Variants in ANKRD44 observed in about 807,000 individuals in gnomAD.
The protein encoded by ANKRD44 is serine/threonine-protein phosphatase 6 regulatory ankyrin repeat subunit B.
ANKRD44 carries 35 observed loss-of-function variants against 116.0 expected under a neutral mutation model. The ratio of observed to expected loss-of-function variants is 0.30; its 90% confidence interval spans 0.23 to 0.40. The LOEUF is 0.40. ANKRD44 is among the 10% of genes least tolerant of loss of function. The probability of loss-of-function intolerance (pLI) is 1.00; values close to 1 mark genes in which losing one functional copy is unlikely to be tolerated. For missense variants in ANKRD44, 1,014 were observed against 1,242.6 expected, an observed-to-expected ratio of 0.82 and a Z score of 2.77; for synonymous variants, 435 against 461.8, an observed-to-expected ratio of 0.94 and a Z score of 0.74.
chr2:197,290,971 G>A (rs556740701), intron 1 of ANKRD44, among the ~76,000 whole-genome samples: 4 of 152,084 alleles, frequency 2.6e-5, no homozygotes, highest in African/African-American at 4.8e-5. Context: ...CACTTTGGGA[G>A]GCCAAGGAGG....
chr2:197,099,987 A>G (rs2078252206), intron 9 of ANKRD44, 57 bp from the exon 10 acceptor site: 9 of 1,491,348 alleles, frequency 6.0e-6, no homozygotes, highest in Middle Eastern at 1.7e-4. Context: ...TTCAGGTCCT[A>G]TGTTCTCTGC....
intron 16 of ANKRD44, among the ~76,000 whole-genome samples, chr2:197,072,227 T>C (rs761183379): frequency 6.6e-6 from 1 of 152,236 alleles, no homozygotes; most frequent in African/African-American, 2.4e-5. Flanking sequence ...CTGACATCAC[T>C]GAGTCCTTAG....
intron 2 of ANKRD44, among the ~76,000 whole-genome samples, chr2:197,173,241 A>C (rs1574198902): frequency 2.6e-5 from 4 of 152,314 alleles, no homozygotes; most frequent in African/African-American, 7.2e-5. Context: ...TAGACTACTA[A>C]GTCATTATTC....
chr2:196,982,108 T>TATATATATATATATATA, downstream of ANKRD44, among the ~76,000 whole-genome samples: 1 of 96,550 alleles, frequency 1.0e-5, no homozygotes, highest in Non-Finnish European at 2.1e-5. Context: ...CTAAAAAAAA[T>TATATATATATATATATA]TATATATATA....
intron 2 of ANKRD44, among the ~76,000 whole-genome samples, chr2:197,172,558 G>C (rs2080265722): frequency 6.6e-6 from 1 of 152,068 alleles, no homozygotes; most frequent in African/African-American, 2.4e-5. Context: ...GTATGATCCA[G>C]CAGGGCAGGA....
intron 2 of ANKRD44, among the ~76,000 whole-genome samples, chr2:197,149,294 G>A (rs2079581513): frequency 6.6e-6 from 1 of 152,134 alleles, no homozygotes; most frequent in African/African-American, 2.4e-5. Context: ...TTGAGATCTT[G>A]GCCTCAAATA....
rs115439180 is a variant in ANKRD44, at chr2:197,242,677, G to A, written c.28-55571C>T. ...TGCTGGAATGGTCCCCGTCTTTCCAGCTGAGACGAAAGTCAAGAATGGTTA... is the reference window on the plus strand; with the variant it reads ...TGCTGGAATGGTCCCCGTCTTTCCAACTGAGACGAAAGTCAAGAATGGTTA... On this transcript the variant is annotated intron_variant, in intron 1 of 27. Transcript: ENST00000282272. 1.7e-3 allele frequency among the ~76,000 whole-genome samples: 256 copies of A among 152,322 alleles called. 1 individual carries two copies. Among genetic ancestry groups the A allele is most frequent in the African/African-American group, 5.4e-3 (225 of 41,576 alleles).
intron 1 of ANKRD44, among the ~76,000 whole-genome samples, chr2:197,298,339 G>A (rs1481084711): frequency 6.6e-6 from 1 of 152,174 alleles, no homozygotes; most frequent in African/African-American, 2.4e-5. Context: ...CACACAAGAT[G>A]GGATTCTAAG....
intron 1 of ANKRD44, among the ~76,000 whole-genome samples, chr2:197,233,064 G>A (rs149465801): frequency 6.0e-4 from 91 of 152,244 alleles, no homozygotes; most frequent in Middle Eastern, 3.4e-3. Context: ...ATTCTACTCC[G>A]GGGAAGCTCT....
chr2:197,061,619 C>G (rs1235930479), intron 16 of ANKRD44, among the ~76,000 whole-genome samples: 1 of 152,174 alleles, frequency 6.6e-6, no homozygotes, highest in African/African-American at 2.4e-5. Context: ...AGAGCTCCTG[C>G]AGAATATGGG....
At chr2:197,219,479 T>G (rs930979632) in intron 1 of ANKRD44, among the ~76,000 whole-genome samples, 5 of 152,218 alleles carry the variant, frequency 3.3e-5, no homozygotes, top group African/African-American at 1.2e-4. Context: ...AAAGTCGCTT[T>G]TGCTTAAACT....
chr2:197,163,880 G>A (rs1009838296), intron 2 of ANKRD44, among the ~76,000 whole-genome samples: 1 of 152,128 alleles, frequency 6.6e-6, no homozygotes, highest in Non-Finnish European at 1.5e-5. Context: ...CGCCCGCCTC[G>A]GCCCTCCAAA....
Position 197,310,718 on chromosome 2 carries a change from A to T in ANKRD44, c.-114T>A, listed in dbSNP as rs1652816507. 2 of 1,123,046 alleles carry T rather than the reference A, an allele frequency of 1.8e-6. No homozygotes were observed. The highest frequency in any genetic ancestry group is 2.3e-6 in the Non-Finnish European group (2 of 865,602). 69.6% of individuals were successfully genotyped at this position (1,123,046 alleles called of 1,614,324 possible). ...AGAAGGGAAAAAATCTGGCTCCCGAATTTGACAGCCCTCCCCCTGCTCCTC... is the reference window on the plus strand; with the variant it reads ...AGAAGGGAAAAAATCTGGCTCCCGATTTTGACAGCCCTCCCCCTGCTCCTC... On this transcript the variant is annotated 5_prime_UTR_variant, in exon 1 of 28. Transcript: ENST00000282272.
At chr2:197,194,690 C>T (rs761256905) in intron 1 of ANKRD44, among the ~76,000 whole-genome samples, 36 of 152,078 alleles carry the variant, frequency 2.4e-4, no homozygotes, top group Non-Finnish European at 4.4e-4. Context: ...TCTCTCTATA[C>T]GTATGCATAT....
At chr2:197,011,021 C>G (rs2076289738) in intron 18 of ANKRD44, among the ~76,000 whole-genome samples, 1 of 152,212 alleles carries the variant, frequency 6.6e-6, no homozygotes, top group South Asian at 2.1e-4. Context: ...TTCTCAGCAA[C>G]ATTCCATTTA....
intron 2 of ANKRD44, among the ~76,000 whole-genome samples, chr2:197,169,978 C>T (rs1559121227): frequency 6.6e-6 from 1 of 151,916 alleles, no homozygotes; most frequent in African/African-American, 2.4e-5. Flanking sequence ...TCTCTTGAGT[C>T]CAGGAGTTCA....
chr2:197,086,790 A>C (rs2077934643), intron 12 of ANKRD44, 42 bp from the exon 13 acceptor site: 1 of 1,575,698 alleles, frequency 6.3e-7, no homozygotes, highest in African/African-American at 1.3e-5. Flanking sequence ...GAAGAGATCA[A>C]TTACTGGCCT....
rs1458538880 is a variant in ANKRD44 at position 196,998,984 on chromosome 2, G to A, written c.2588C>T (p.Ala863Val). 2 of 1,614,190 alleles carry A rather than the reference G, an allele frequency of 1.2e-6. No individual in the cohort carries two copies. The highest frequency in any genetic ancestry group is 3.3e-5 in the Admixed American group (2 of 60,036). ...TGAATTATCTACTGCGTTCACTGGA[G>A]CACTGTGTCTCAGAAGAAGCTGCAA... Reference protein sequence around the residue: ...ECLQLLLRHSAPVNAVDNSGK... With the variant: ...ECLQLLLRHSVPVNAVDNSGK... The change falls in exon 24 of 28, where the codon GCT (alanine) becomes GTT (valine). Residue 863 changes from alanine to valine, a missense_variant. By Grantham distance (64) the Ala-to-Val change is moderately conservative. Transcript: ENST00000282272.
At chr2:197,180,936 A>T (rs1365684068) in intron 2 of ANKRD44, among the ~76,000 whole-genome samples, 1 of 138,046 alleles carries the variant, frequency 7.2e-6, no homozygotes, top group Non-Finnish European at 1.5e-5. Flanking sequence ...ATTTCTTTGA[A>T]AAGTCCCCTC....
Sources: allele counts gnomAD v4.1 joint callset (sites outside exome capture counted in the v4.1 genomes callset), GRCh38; gene constraint gnomAD v4.1.1; transcripts MANE v1.5; gene names NCBI Gene and HGNC (gene_info 2026-07-23, HGNC 2026-07-21).